The following CADPS2 variants were observed in gnomAD, a reference collection of about 807,000 sequenced individuals.
CADPS2 encodes the protein calcium dependent secretion activator 2, also known as calcium-dependent secretion activator 2.
CADPS2 carries 93 observed loss-of-function variants against 172.5 expected under a neutral mutation model. That is an observed-to-expected ratio of 0.54 (90% CI 0.46 to 0.64). The LOEUF is 0.64. CADPS2 is among the 30% of genes least tolerant of loss of function. The pLI is 0.00. For missense variants in CADPS2, 1,420 were observed against 1,565.9 expected, an observed-to-expected ratio of 0.91 and a Z score of 1.57; for synonymous variants, 546 against 555.2, an observed-to-expected ratio of 0.98 and a Z score of 0.23.
chr7:122,711,536 A>G (rs2088721011), intron 2 of CADPS2, among the ~76,000 whole-genome samples: 1 of 152,112 alleles, frequency 6.6e-6, no homozygotes, highest in African/African-American at 2.4e-5. Context: ...CCAATCCAGA[A>G]TGCCTTCTAT....
At chr7:122,701,324 G>C (rs1320600350) in intron 2 of CADPS2, among the ~76,000 whole-genome samples, 1 of 152,064 alleles carries the variant, frequency 6.6e-6, no homozygotes. Flanking sequence ...ATCATTCTCA[G>C]CGAACTATCG....
intron 2 of CADPS2, among the ~76,000 whole-genome samples, chr7:122,693,401 T>C (rs960304079): frequency 5.3e-5 from 8 of 152,278 alleles, no homozygotes; most frequent in African/African-American, 1.4e-4. Context: ...ATACTTTCAG[T>C]AAAGTGAAAA....
At chr7:122,735,027 T>C (rs1562892550) in intron 2 of CADPS2, among the ~76,000 whole-genome samples, 2 of 152,126 alleles carry the variant, frequency 1.3e-5, no homozygotes, top group South Asian at 2.1e-4. Flanking sequence ...ATCCACCAAT[T>C]CTAAGAGAAT....
chr7:122,877,868 T>C (rs187075559), intron 1 of CADPS2, among the ~76,000 whole-genome samples: 2 of 152,254 alleles, frequency 1.3e-5, no homozygotes, highest in East Asian at 3.9e-4. Context: ...TTATCAACAT[T>C]TTACTGAAGG....
At chr7:122,607,336 T>TGA (rs919179939) in intron 6 of CADPS2, among the ~76,000 whole-genome samples, 8 of 152,124 alleles carry the variant, frequency 5.3e-5, no homozygotes, top group African/African-American at 1.2e-4. Context: ...AAGGATGGTA[T>TGA]GAGAGAGAGA....
intron 6 of CADPS2, among the ~76,000 whole-genome samples, chr7:122,587,476 T>C (rs149744978): frequency 0.011 from 1,634 of 152,280 alleles, 31 homozygotes; most frequent in African/African-American, 0.038. Flanking sequence ...TGGTATTCCA[T>C]GGTGTATATA....
chr7:122,694,944 T>A (rs984777573), intron 2 of CADPS2, among the ~76,000 whole-genome samples: 1 of 152,190 alleles, frequency 6.6e-6, no homozygotes, highest in Non-Finnish European at 1.5e-5. Context: ...TTTCTCCCAG[T>A]TGATACCTAC....
chr7:122,625,782 C>A (rs1297905753), intron 4 of CADPS2, among the ~76,000 whole-genome samples: 1 of 151,308 alleles, frequency 6.6e-6, no homozygotes, highest in Non-Finnish European at 1.5e-5. Context: ...TCCCTGCCCT[C>A]CCACACACAC....
At chr7:122,662,363 C>T (rs576253910) in intron 3 of CADPS2, among the ~76,000 whole-genome samples, 100 of 140,344 alleles carry the variant, frequency 7.1e-4, no homozygotes, top group African/African-American at 2.5e-3. Context: ...TGATTTTATA[C>T]CTCCTTCCCT....
At chr7:122,766,088 CG>C (rs2093543349) in intron 1 of CADPS2, among the ~76,000 whole-genome samples, 1 of 151,930 alleles carries the variant, frequency 6.6e-6, no homozygotes, top group African/African-American at 2.4e-5. Context: ...GGTAGGGAAA[CG>C]GAAGGGGGAG....
intron 1 of CADPS2, among the ~76,000 whole-genome samples, chr7:122,802,071 AAAC>A (rs1414125076): frequency 2.6e-5 from 4 of 152,342 alleles, no homozygotes; most frequent in African/African-American, 9.6e-5. Context: ...TAAGATGTCT[AAAC>A]AGTGTCACAG....
chr7:122,341,537 G>C (rs546048135), intron 28 of CADPS2, among the ~76,000 whole-genome samples: 1 of 152,260 alleles, frequency 6.6e-6, no homozygotes, highest in East Asian at 1.9e-4. Context: ...AGCTGTGGTT[G>C]GAACTCAAGT....
intron 25 of CADPS2, among the ~76,000 whole-genome samples, chr7:122,373,899 C>T (rs2042051683): frequency 6.6e-6 from 1 of 152,144 alleles, no homozygotes; most frequent in Admixed American, 6.6e-5. Context: ...CACTTCCAAA[C>T]TTATTCTATG....
intron 2 of CADPS2, among the ~76,000 whole-genome samples, chr7:122,718,568 A>G (rs2089976161): frequency 6.6e-6 from 1 of 152,126 alleles, no homozygotes; most frequent in African/African-American, 2.4e-5. Context: ...CATATTCAGT[A>G]CCCACAGGTT....
At chr7:122,415,388 C>G (rs907251603) in intron 18 of CADPS2, among the ~76,000 whole-genome samples, 1 of 152,040 alleles carries the variant, frequency 6.6e-6, no homozygotes, top group Non-Finnish European at 1.5e-5. Context: ...TTGCCTCTTA[C>G]CAGTTACACA....
Position 122,393,327 on chromosome 7 carries a change from C to T in CADPS2, c.2889-12G>A, listed in dbSNP as rs767420187. The T allele has an allele frequency of 3.1e-6, 5 of 1,613,652 alleles. No homozygotes were observed. Among genetic ancestry groups the T allele is most frequent in the East Asian group, 4.5e-5 (2 of 44,878 alleles). On this transcript the variant is annotated splice_polypyrimidine_tract_variant and intron_variant, in intron 21 of 29. Coordinates refer to ENST00000449022, the MANE Select transcript of CADPS2 (RefSeq NM_017954.11). ...TGTTGGCGATATTCCTGTAAAGAAA[C>T]AAACAACGTGGGAAGGGACCACCAT...
At chr7:122,637,482 C>T (rs550095233) in intron 3 of CADPS2, among the ~76,000 whole-genome samples, 1 of 152,102 alleles carries the variant, frequency 6.6e-6, no homozygotes, top group East Asian at 1.9e-4. Context: ...TTATGAAATT[C>T]TTGAAGTAAA....
chr7:122,441,948 T>A (rs1035276945), intron 15 of CADPS2, among the ~76,000 whole-genome samples: 14 of 152,204 alleles, frequency 9.2e-5, no homozygotes, highest in African/African-American at 2.9e-4. Context: ...ATTTCCCTCA[T>A]TTCCTCCTGT....
intron 1 of CADPS2, among the ~76,000 whole-genome samples, chr7:122,793,642 T>C (rs1343534047): frequency 2.6e-5 from 4 of 152,200 alleles, no homozygotes; most frequent in Admixed American, 2.0e-4. Context: ...AGGTTAGTAT[T>C]GATACGTGTG....
Sources: allele counts gnomAD v4.1 joint callset (sites outside exome capture counted in the v4.1 genomes callset), GRCh38; gene constraint gnomAD v4.1.1; transcripts MANE v1.5; gene names NCBI Gene and HGNC (gene_info 2026-07-23, HGNC 2026-07-21).